Variants in LNX2 observed in about 807,000 individuals in gnomAD.
LNX2 encodes ligand of Numb protein X 2.
In LNX2, 35 loss-of-function variants were observed where a neutral mutation model predicts 66.2. The ratio of observed to expected loss-of-function variants is 0.53; its 90% CI spans 0.40 to 0.70. LNX2 has a LOEUF of 0.70. Ranked by LOEUF, LNX2 falls within the 30% of genes least tolerant of loss-of-function variation. The pLI is 0.00. For missense variants in LNX2, 791 were observed against 850.8 expected (o/e 0.93, Z 0.87); for synonymous variants, 337 against 315.6 (o/e 1.07, Z -0.72).
chr13:27,576,534 T>C (rs1483353669), intron 2 of LNX2, among the ~76,000 whole-genome samples: 4 of 148,928 alleles, frequency 2.7e-5, no homozygotes, highest in South Asian at 2.1e-4. Flanking sequence ...TGGTGCAATA[T>C]GGCAAGACCC....
At chr13:27,552,187 A>G (rs893404561) in intron 8 of LNX2, among the ~76,000 whole-genome samples, 6 of 152,220 alleles carry the variant, frequency 3.9e-5, no homozygotes, top group African/African-American at 1.4e-4. Flanking sequence ...CTAGACTGGT[A>G]TATCAGATAA....
At position 27,550,343 on chromosome 13, in the gene LNX2, C is replaced by T. The variant is rs770157240; in HGVS notation, c.1927G>A (p.Gly643Arg). ...IVLGTPAYYDGRLKCGDMIVA... is the reference protein window; with the variant it reads ...IVLGTPAYYDRRLKCGDMIVA... ...TAGAACAAGACTCACTTTAATCTTC[C>T]ATCATAATAAGCAGGAGTTCCCAAG... Residue 643 changes from glycine to arginine, a missense_variant, in exon 9 of 10, where the codon GGA becomes AGA. Gly to Arg is a moderately radical substitution (Grantham distance 125). Transcript: ENST00000316334. 3 of 1,612,542 alleles carry T rather than the reference C, an allele frequency of 1.9e-6. No individual in the cohort carries two copies.
chr13:27,548,872 A>G (rs1280335163), intron 9 of LNX2, among the ~76,000 whole-genome samples: 1 of 152,312 alleles, frequency 6.6e-6, no homozygotes, highest in African/African-American at 2.4e-5. Context: ...TGGAAATAAG[A>G]CCCATACTTC....
chr13:27,582,548 T>C (rs968830476), intron 1 of LNX2, among the ~76,000 whole-genome samples: 3 of 152,210 alleles, frequency 2.0e-5, no homozygotes, highest in African/African-American at 7.2e-5. Context: ...GCTTCTTTGC[T>C]TCTGATTGAT....
At chr13:27,582,605 A>G (rs1330620563) in intron 1 of LNX2, among the ~76,000 whole-genome samples, 14 of 152,202 alleles carry the variant, frequency 9.2e-5, no homozygotes. Flanking sequence ...TTTGAAATGT[A>G]GTCTCAAGGA....
chr13:27,548,321 C>G lies in LNX2; in HGVS notation c.*14G>C, dbSNP rs1188129955. 1.3e-6 allele frequency: 2 copies of G among 1,594,428 alleles called. No individual in the cohort carries two copies. Among genetic ancestry groups the G allele is most frequent in the Admixed American group, 1.8e-5 (1 of 54,450 alleles). ...AAAAAGGAAGATGCAAGATTTGAAACCAATTTCCAAAATCTATACAAGGCT... is the reference window on the plus strand; with the variant it reads ...AAAAAGGAAGATGCAAGATTTGAAAGCAATTTCCAAAATCTATACAAGGCT... On this transcript the variant is annotated 3_prime_UTR_variant, in exon 10 of 10. Transcript: ENST00000316334.
chr13:27,557,404 G>A (rs1955075787), intron 6 of LNX2, among the ~76,000 whole-genome samples: 1 of 151,886 alleles, frequency 6.6e-6, no homozygotes, highest in Non-Finnish European at 1.5e-5. Flanking sequence ...AATACAAATA[G>A]TATTTTGTAT....
intron 2 of LNX2, 74 bp downstream of exon 2, chr13:27,581,223 A>T: frequency 7.8e-7 from 1 of 1,278,500 alleles, no homozygotes; most frequent in Non-Finnish European, 1.0e-6. Context: ...GTTTTGTTTT[A>T]ATCAAGTTTT....
At chr13:27,575,335 C>G (rs868783727) in intron 2 of LNX2, among the ~76,000 whole-genome samples, 1 of 152,104 alleles carries the variant, frequency 6.6e-6, no homozygotes, top group Non-Finnish European at 1.5e-5. Flanking sequence ...TATGTGTCAA[C>G]TGAGTGGGCC....
intron 1 of LNX2, among the ~76,000 whole-genome samples, chr13:27,603,885 C>T (rs1368188911): frequency 6.6e-6 from 1 of 151,562 alleles, no homozygotes; most frequent in East Asian, 1.9e-4. Context: ...TTAACACATG[C>T]CTATCTTATT....
intron 6 of LNX2, among the ~76,000 whole-genome samples, chr13:27,557,452 T>C (rs1278627230): frequency 6.6e-6 from 1 of 152,074 alleles, no homozygotes. Flanking sequence ...GTACATATTG[T>C]ATATATGCAC....
intron 1 of LNX2, among the ~76,000 whole-genome samples, chr13:27,590,729 G>A (rs1206368104): frequency 6.6e-6 from 1 of 152,112 alleles, no homozygotes; most frequent in Non-Finnish European, 1.5e-5. Flanking sequence ...AAAGAATCGG[G>A]TGGATACTGC....
At chr13:27,610,794 A>T (rs1230068292) in intron 1 of LNX2, among the ~76,000 whole-genome samples, 3 of 152,200 alleles carry the variant, frequency 2.0e-5, no homozygotes, top group Non-Finnish European at 4.4e-5. Context: ...CAAAAAAAAC[A>T]GGCCAAGGAT....
chr13:27,615,793 G>A (rs1955819882), intron 1 of LNX2, among the ~76,000 whole-genome samples: 1 of 152,130 alleles, frequency 6.6e-6, no homozygotes, highest in East Asian at 1.9e-4. Context: ...ATTCCTATAA[G>A]AACAGGGAAC....
chr13:27,561,240 T>C (rs776589131), intron 5 of LNX2, among the ~76,000 whole-genome samples: 1 of 152,242 alleles, frequency 6.6e-6, no homozygotes, highest in Non-Finnish European at 1.5e-5. Context: ...TGAACTAGAT[T>C]AGATAATTTA....
chr13:27,559,628 AAAGC>A (rs1955104361), intron 6 of LNX2, among the ~76,000 whole-genome samples: 1 of 152,218 alleles, frequency 6.6e-6, no homozygotes, highest in Non-Finnish European at 1.5e-5. Flanking sequence ...TCTAAGGAAC[AAAGC>A]AGTCACTTTC....
intron 8 of LNX2, among the ~76,000 whole-genome samples, chr13:27,552,194 A>G (rs140839130): frequency 0.014 from 2,070 of 152,298 alleles, 35 homozygotes; most frequent in Non-Finnish European, 0.021. Context: ...GGTATATCAG[A>G]TAAGGAAAAT....
chr13:27,579,630 A>G lies in LNX2; in HGVS notation c.407+1667T>C, dbSNP rs191263714. Among the ~76,000 whole-genome samples the G allele has an allele frequency of 2.4e-4, 37 of 152,366 alleles. 2 individuals are homozygous for G. The highest frequency in any genetic ancestry group is 2.4e-3 in the Admixed American group (37 of 15,302). ...AAATTCTTGAATGCATGTTAAAGGA[A>G]TATTCCTGAAAATCTGTGAAACTGT... is the stretch of plus-strand genomic sequence containing the variant. On this transcript the variant is annotated intron_variant, in intron 2 of 9. Transcript: ENST00000316334.
intron 2 of LNX2, among the ~76,000 whole-genome samples, chr13:27,578,394 G>A (rs868776843): frequency 1.3e-5 from 2 of 152,220 alleles, no homozygotes; most frequent in East Asian, 1.9e-4. Context: ...TTTGTATACC[G>A]AGAAGCCGCA....
Sources: gnomAD v4.1 joint callset for allele counts (sites outside exome capture counted in the v4.1 genomes callset) on GRCh38, gnomAD v4.1.1 for gene constraint, MANE v1.5 for transcripts, NCBI Gene and HGNC (gene_info 2026-07-23, HGNC 2026-07-21) for gene names.